CEP57L1: variants seen among roughly 807,000 people sequenced by gnomAD.
CEP57L1 encodes the protein centrosomal protein CEP57L1.
A neutral mutation model predicts 61.0 loss-of-function variants in CEP57L1; 37 were observed. The observed-to-expected ratio is 0.61, with a 90% CI of 0.47 to 0.80. The LOEUF (loss-of-function observed/expected upper bound fraction) is 0.80. CEP57L1 is among the 30% of genes least tolerant of loss of function. CEP57L1 has a pLI of 0.00. For synonymous variants in CEP57L1, 137 were observed against 162.3 expected (o/e 0.84, Z 1.19); for missense variants, 422 against 524.7 (o/e 0.80, Z 1.91).
At chr6:109,141,867 C>T (rs1771422765) in intron 1 of CEP57L1, among the ~76,000 whole-genome samples, 1 of 152,158 alleles carries the variant, frequency 6.6e-6, no homozygotes, top group Non-Finnish European at 1.5e-5. Flanking sequence ...AGCTGTTGAT[C>T]CTTCTTCAGT....
intron 1 of CEP57L1, chr6:109,129,258 A>T (rs554571152): frequency 7.3e-6 from 5 of 684,592 alleles, no homozygotes; most frequent in African/African-American, 3.8e-5. Context: ...AATTCATTTT[A>T]TCGCCTTTAG....
rs545380660 is a variant in CEP57L1 at position 109,109,809 on chromosome 6, G to A, written c.-4+14234G>A. Among the ~76,000 whole-genome samples, 302 of 152,224 alleles carry A rather than the reference G, an allele frequency of 2.0e-3. 1 individual carries two copies. The highest frequency in any genetic ancestry group is 6.8e-3 in the African/African-American group (282 of 41,548). Reference sequence around the variant, plus strand: ...GTGGTGTTTGGTTTTCTGTTCTTGCGTTAGTTTGCTGAGAATGATGGTTTC... The same window carrying A: ...GTGGTGTTTGGTTTTCTGTTCTTGCATTAGTTTGCTGAGAATGATGGTTTC... On this transcript the variant is annotated intron_variant, in intron 1 of 10. Coordinates refer to ENST00000517392, the MANE Select transcript of CEP57L1 (RefSeq NM_001271852.3).
chr6:109,156,005 C>T (rs565710803), intron 7 of CEP57L1, 128 bp downstream of exon 7: 3 of 498,488 alleles, frequency 6.0e-6, no homozygotes, highest in Non-Finnish European at 1.1e-5. Flanking sequence ...TGCAATAATG[C>T]GTGTCAAGTA....
At position 109,171,890 on chromosome 6, in the gene CEP57L1, A is replaced by C. The variant is rs984005441; in HGVS notation, c.*8920A>C. On this transcript the variant is annotated 3_prime_UTR_variant, in exon 11 of 11. Transcript: ENST00000517392. ...ATTTACAGGAAAGGCTCAAGGTTTC[A>C]TTTACATGGGAAATGAGAACTAGAC... 1.3e-5 allele frequency among the ~76,000 whole-genome samples: 2 copies of C among 152,156 alleles called. No homozygotes were observed. The highest frequency in any genetic ancestry group is 1.5e-5 in the Non-Finnish European group (1 of 68,032).
At position 109,168,435 on chromosome 6, in the gene CEP57L1, G is replaced by A. The variant is rs929213270; in HGVS notation, c.*5465G>A. Reference sequence around the variant, plus strand: ...GCCAAGTATTGACTTGCACAGAATTGTGTAAATGATTGCCATTCACTTCCC... The same window carrying A: ...GCCAAGTATTGACTTGCACAGAATTATGTAAATGATTGCCATTCACTTCCC... On this transcript the variant is annotated 3_prime_UTR_variant, in exon 11 of 11. Coordinates refer to ENST00000517392, the MANE Select transcript of CEP57L1 (RefSeq NM_001271852.3). Among the ~76,000 whole-genome samples the A allele has an allele frequency of 6.6e-5, 10 of 152,160 alleles. No individual in the cohort carries two copies. Among genetic ancestry groups the A allele is most frequent in the Non-Finnish European group, 1.5e-4 (10 of 68,026 alleles).
chr6:109,145,493 T>TGC, intron 2 of CEP57L1, 112 bp downstream of exon 2: 1 of 695,838 alleles, frequency 1.4e-6, no homozygotes, highest in East Asian at 2.9e-5. Flanking sequence ...ACTCCTAACT[T>TGC]TGATTCTGTT....
chr6:109,108,035 T>C (rs1032946349), intron 1 of CEP57L1, among the ~76,000 whole-genome samples: 1 of 152,110 alleles, frequency 6.6e-6, no homozygotes, highest in Admixed American at 6.6e-5. Flanking sequence ...AATTAAGTTA[T>C]TCATTTTGTT....
At chr6:109,098,082 C>T (rs1254411057) in intron 1 of CEP57L1, among the ~76,000 whole-genome samples, 4 of 152,150 alleles carry the variant, frequency 2.6e-5, no homozygotes, top group African/African-American at 7.2e-5. Context: ...GAGAGTTTTG[C>T]GCAGATGAGG....
At chr6:109,130,810 C>T (rs888349651) in intron 1 of CEP57L1, 2 of 152,032 alleles carry the variant, frequency 1.3e-5, no homozygotes, top group Admixed American at 6.6e-5. Context: ...TATCCAGAGG[C>T]ACATGGTGGC....
intron 1 of CEP57L1, among the ~76,000 whole-genome samples, chr6:109,113,225 T>C (rs145332980): frequency 1.4e-4 from 22 of 152,054 alleles, no homozygotes; most frequent in African/African-American, 5.1e-4. Context: ...TAGGTATCTT[T>C]ATTTCTTTAA....
intron 1 of CEP57L1, among the ~76,000 whole-genome samples, chr6:109,133,996 G>C (rs1276529719): frequency 6.6e-6 from 1 of 152,106 alleles, no homozygotes; most frequent in African/African-American, 2.4e-5. Flanking sequence ...AGGAGGAGCT[G>C]GTACCATTCC....
chr6:109,137,097 A>G (rs1048886704), intron 1 of CEP57L1, among the ~76,000 whole-genome samples: 3 of 152,140 alleles, frequency 2.0e-5, no homozygotes, highest in Non-Finnish European at 2.9e-5. Flanking sequence ...CATTATTTTC[A>G]TAAGTTGTAT....
chr6:109,128,491 A>G (rs1222365076), intron 1 of CEP57L1, among the ~76,000 whole-genome samples: 1 of 152,134 alleles, frequency 6.6e-6, no homozygotes, highest in Admixed American at 6.6e-5. Flanking sequence ...TAATTTGTCC[A>G]TCTGCCTATA....
chr6:109,169,090 G>A lies in CEP57L1; in HGVS notation c.*6120G>A, dbSNP rs566630315. On this transcript the variant is annotated 3_prime_UTR_variant, in exon 11 of 11. Transcript: ENST00000517392. ...AAAATACAAAAATTAGCCGGGCATG[G>A]TGGTATGTGCCTGTAATCCCGGGTA... is the stretch of plus-strand genomic sequence containing the variant. 2.1e-4 allele frequency among the ~76,000 whole-genome samples: 32 copies of A among 151,742 alleles called. No individual in the cohort carries two copies. The highest frequency in any genetic ancestry group is 3.4e-3 in the Middle Eastern group (1 of 292).
At chr6:109,142,945 TGCTC>T in intron 1 of CEP57L1, among the ~76,000 whole-genome samples, 1 of 34,638 alleles carries the variant, frequency 2.9e-5, no homozygotes. Flanking sequence ...CTGTCTCTCT[TGCTC>T]TCTCTCTCTC....
intron 1 of CEP57L1, among the ~76,000 whole-genome samples, chr6:109,116,290 G>A (rs1772295723): frequency 6.6e-6 from 1 of 152,012 alleles, no homozygotes; most frequent in South Asian, 2.1e-4. Flanking sequence ...TGATTCTCCT[G>A]CCTCAGCCTC....
rs77124210 is a variant in CEP57L1 at position 109,114,716 on chromosome 6, C to T, written c.-4+19141C>T. On this transcript the variant is annotated intron_variant, in intron 1 of 10. Transcript: ENST00000517392. ...GAAGAGAGGTGGGAGAGTTGTAGGG[C>T]GTGGACAGGGAAAGGGAAGATGCTG... Among the ~76,000 whole-genome samples, 1,284 of 151,922 alleles carry T rather than the reference C, an allele frequency of 8.5e-3. 24 individuals carry two copies. Among genetic ancestry groups the T allele is most frequent in the African/African-American group, 0.03 (1,231 of 41,400 alleles).
intron 1 of CEP57L1, among the ~76,000 whole-genome samples, chr6:109,116,127 G>A (rs1051834800): frequency 0.053 from 7,114 of 134,536 alleles, 331 homozygotes; most frequent in African/African-American, 0.098. Flanking sequence ...GTTATGTGTT[G>A]TGTTATGTTA....
intron 1 of CEP57L1, among the ~76,000 whole-genome samples, chr6:109,122,839 C>T (rs1471543394): frequency 6.6e-6 from 1 of 152,014 alleles, no homozygotes; most frequent in Non-Finnish European, 1.5e-5. Flanking sequence ...AGACACTTAC[C>T]CAGGCCCCTA....
Sources: gnomAD v4.1 joint callset for allele counts (sites outside exome capture counted in the v4.1 genomes callset) on GRCh38, gnomAD v4.1.1 for gene constraint, MANE v1.5 for transcripts, NCBI Gene and HGNC (gene_info 2026-07-23, HGNC 2026-07-21) for gene names.